Variants in ATXN10 observed in about 807,000 individuals in gnomAD.
ATXN10 encodes the protein ataxin-10.
In ATXN10, 28 loss-of-function variants were observed where a neutral mutation model predicts 52.9. The observed-to-expected ratio is 0.53, with a 90% CI of 0.39 to 0.73. The LOEUF (loss-of-function observed/expected upper bound fraction) is 0.73, where lower values mean the gene tolerates loss of function less well. Ranked by LOEUF, ATXN10 falls within the 30% of genes least tolerant of loss-of-function variation. The pLI, the probability that ATXN10 is intolerant of heterozygous loss-of-function variation, is 0.00. For missense variants in ATXN10, 565 were observed against 577.0 expected (o/e 0.98, Z 0.21); for synonymous variants, 226 against 221.5 (o/e 1.02, Z -0.18).
At chr22:45,695,528 C>T (rs866432992) in intron 3 of ATXN10, among the ~76,000 whole-genome samples, 4 of 142,250 alleles carry the variant, frequency 2.8e-5, no homozygotes, top group Non-Finnish European at 6.1e-5. Context: ...CTTACTCTGT[C>T]GCCCAGGCTG....
chr22:45,841,313 C>T lies in ATXN10; in HGVS notation c.1238-1678C>T, dbSNP rs186316700. Among the ~76,000 whole-genome samples, 1 of 152,350 alleles carries T rather than the reference C, an allele frequency of 6.6e-6. No homozygotes were observed. The highest frequency in any genetic ancestry group is 6.5e-5 in the Admixed American group (1 of 15,302). ...CAGCATTAGCTGGGCACTGACAGTC[C>T]TTTTCTCTGCCATCTGGAAAAGGTC... On this transcript the variant is annotated intron_variant, in intron 10 of 11. Transcript: ENST00000252934. This position sits in a 1 kb window ranked among gnomAD's most constrained non-coding sequence, Gnocchi z 5.1.
intron 9 of ATXN10, among the ~76,000 whole-genome samples, chr22:45,745,015 T>C (rs1298791447): frequency 6.6e-6 from 1 of 152,224 alleles, no homozygotes; most frequent in Admixed American, 6.5e-5. Flanking sequence ...CTTGTTTTTT[T>C]GTTCTCGACT....
rs1338081328 is a variant in ATXN10, at chr22:45,789,508, A to G, written c.1174-17451A>G. Among the ~76,000 whole-genome samples, 1 of 152,174 alleles carries G rather than the reference A, an allele frequency of 6.6e-6. No individual in the cohort carries two copies. Among genetic ancestry groups the G allele is most frequent in the African/African-American group, 2.4e-5 (1 of 41,430 alleles). ...AAGCAAACAAATAGCTGCTCTGTAT[A>G]CCATGGACGCTATACAGCTCAACTC... is the stretch of plus-strand genomic sequence containing the variant. On this transcript the variant is annotated intron_variant, in intron 9 of 11. Transcript: ENST00000252934. The surrounding 1 kb of genome is among the most constrained non-coding windows in gnomAD (Gnocchi z 4.0).
At chr22:45,740,679 TACACACACACACACACACAC>T (rs74268525) in intron 9 of ATXN10, 141 bp downstream of exon 9, 10 of 392,074 alleles carry the variant, frequency 2.6e-5, no homozygotes, top group East Asian at 5.6e-5. Flanking sequence ...TTTATATGAA[TACACACACACACACACACAC>T]ACACACACAC....
chr22:45,778,847 A>C (rs891238387), intron 9 of ATXN10, among the ~76,000 whole-genome samples: 46 of 152,184 alleles, frequency 3.0e-4, no homozygotes, highest in African/African-American at 1.1e-3. Flanking sequence ...GTATACATTC[A>C]ATTTTGATAA....
At chr22:45,768,297 G>C (rs1333127195) in intron 9 of ATXN10, among the ~76,000 whole-genome samples, 2 of 152,060 alleles carry the variant, frequency 1.3e-5, no homozygotes, top group East Asian at 3.9e-4. Context: ...GTACAAGAAA[G>C]TTGCCAAAGT....
chr22:45,693,418 C>CG (rs992882213), intron 3 of ATXN10, among the ~76,000 whole-genome samples: 3 of 152,022 alleles, frequency 2.0e-5, no homozygotes, highest in African/African-American at 7.3e-5. Flanking sequence ...GGGTGTTTTG[C>CG]GGGGGCTGCT....
Position 45,823,117 on chromosome 22 carries a change from G to A in ATXN10, c.1237+16095G>A, listed in dbSNP as rs960036301. 2.1e-6 allele frequency: 1 copy of A among 470,720 alleles called. No homozygotes were observed. The highest frequency in any genetic ancestry group is 2.0e-5 in the African/African-American group (1 of 50,016). The allele number at this position is 470,720 out of a possible 1,614,324, so 29.2% of individuals were successfully genotyped here. A position where few individuals can be genotyped will look rare whatever the true frequency, so the allele number is the denominator to read the frequency against. On this transcript the variant is annotated intron_variant, in intron 10 of 11. Transcript: ENST00000252934. This position sits in a 1 kb window ranked among gnomAD's most constrained non-coding sequence, Gnocchi z 4.9. ...AAGTATACATCTTGACATAAGTACA[G>A]ATGTATGTACGCATCACCCAGATGG... is the stretch of plus-strand genomic sequence containing the variant.
intron 1 of ATXN10, among the ~76,000 whole-genome samples, chr22:45,687,604 A>T (rs567528473): frequency 6.6e-6 from 1 of 152,370 alleles, no homozygotes; most frequent in East Asian, 1.9e-4. Context: ...AATGGCTTCA[A>T]AACTTCATGC....
rs951540344 is a variant in ATXN10, at chr22:45,818,322, C to G, written c.1237+11300C>G. ...CTTTAGAGCCATGGTCACTGCGTCC[C>G]TCTCTCTGCCTCAGGCCTCTGTGTT... is the stretch of plus-strand genomic sequence containing the variant. On this transcript the variant is annotated intron_variant, in intron 10 of 11. Transcript: ENST00000252934. The surrounding 1 kb of genome is among the most constrained non-coding windows in gnomAD (Gnocchi z 4.6). 2.6e-5 allele frequency among the ~76,000 whole-genome samples: 4 copies of G among 152,182 alleles called. No individual in the cohort carries two copies. Among genetic ancestry groups the G allele is most frequent in the African/African-American group, 9.7e-5 (4 of 41,446 alleles).
chr22:45,703,506 T>C (rs1332784039), intron 5 of ATXN10, among the ~76,000 whole-genome samples: 1 of 152,220 alleles, frequency 6.6e-6, no homozygotes, highest in Non-Finnish European at 1.5e-5. Context: ...GCCCTTGTTC[T>C]CTCTCCACTT....
At chr22:45,721,313 CTG>C (rs1924641281) in intron 6 of ATXN10, among the ~76,000 whole-genome samples, 1 of 152,136 alleles carries the variant, frequency 6.6e-6, no homozygotes, top group Non-Finnish European at 1.5e-5. Context: ...TTTATGATCT[CTG>C]TGTACGGCAT....
At chr22:45,687,849 G>C (rs910688431) in intron 1 of ATXN10, among the ~76,000 whole-genome samples, 3 of 152,094 alleles carry the variant, frequency 2.0e-5, no homozygotes, top group Admixed American at 1.3e-4. Flanking sequence ...TCACGAGATC[G>C]GGAGTTCGAG....
At position 45,744,983 on chromosome 22, in the gene ATXN10, C is replaced by A. The variant is rs547764042; in HGVS notation, c.1173+4445C>A. Among the ~76,000 whole-genome samples, 1 of 152,294 alleles carries A rather than the reference C, an allele frequency of 6.6e-6. No homozygotes were observed. The highest frequency in any genetic ancestry group is 2.1e-4 in the South Asian group (1 of 4,822). ...TCGTCATGGTAGGGAGGTGTCAAAT[C>A]CTTACTGACTTCTATTCTTACCTTG... On this transcript the variant is annotated intron_variant, in intron 9 of 11. Coordinates refer to ENST00000252934, the MANE Select transcript of ATXN10 (RefSeq NM_013236.4). The surrounding 1 kb of genome is among the most constrained non-coding windows in gnomAD (Gnocchi z 4.9).
rs1404725472 is a variant in ATXN10, at chr22:45,843,813, C to T, written c.*142C>T. ...AAATCTTTTAGGTAGTAGAGTTTAA[C>T]GTGTATAAGCTAAAAGTGAAAGTAA... On this transcript the variant is annotated 3_prime_UTR_variant, in exon 12 of 12. Coordinates refer to ENST00000252934, the MANE Select transcript of ATXN10 (RefSeq NM_013236.4). This position sits in a 1 kb window ranked among gnomAD's most constrained non-coding sequence, Gnocchi z 4.5. 1.8e-5 allele frequency: 14 copies of T among 759,324 alleles called. No individual in the cohort carries two copies. The highest frequency in any genetic ancestry group is 1.8e-4 in the Admixed American group (8 of 43,440). The allele number at this position is 759,324 out of a possible 1,614,324, so 47.0% of individuals were successfully genotyped here. A position where few individuals can be genotyped will look rare whatever the true frequency, so the allele number is the denominator to read the frequency against.
chr22:45,691,638 G>C (rs1248552127), intron 2 of ATXN10, among the ~76,000 whole-genome samples: 4 of 152,236 alleles, frequency 2.6e-5, no homozygotes, highest in Non-Finnish European at 5.9e-5. Context: ...GCTCACGCCT[G>C]TAATCCCAAC....
chr22:45,721,099 A>C (rs910097725), intron 6 of ATXN10, among the ~76,000 whole-genome samples: 2 of 152,006 alleles, frequency 1.3e-5, no homozygotes, highest in Admixed American at 1.3e-4. Flanking sequence ...TGACTTCTTC[A>C]CCCAGAGGCT....
intron 10 of ATXN10, among the ~76,000 whole-genome samples, chr22:45,821,291 C>T (rs1011494358): frequency 6.7e-5 from 10 of 148,936 alleles, no homozygotes; most frequent in Admixed American, 1.3e-4. Flanking sequence ...GCAGGAGGAT[C>T]GCTTGAGCCT....
rs566030310 is a variant in ATXN10, at chr22:45,744,257, G to T, written c.1173+3719G>T. On this transcript the variant is annotated intron_variant, in intron 9 of 11. Coordinates refer to ENST00000252934, the MANE Select transcript of ATXN10 (RefSeq NM_013236.4). The surrounding 1 kb of genome is among the most constrained non-coding windows in gnomAD (Gnocchi z 4.9). Reference sequence around the variant, plus strand: ...TGACACAGATTTTCCTAAAATCTTTGTGTACTGCCTGATTCCTCTGAATTT... The same window carrying T: ...TGACACAGATTTTCCTAAAATCTTTTTGTACTGCCTGATTCCTCTGAATTT... Among the ~76,000 whole-genome samples, 42 of 152,248 alleles carry T rather than the reference G, an allele frequency of 2.8e-4. 1 individual carries two copies. The South Asian group carries it at 8.7e-3, about 32-fold the overall frequency.
Sources: gnomAD v4.1 joint callset for allele counts (sites outside exome capture counted in the v4.1 genomes callset) on GRCh38, gnomAD v4.1.1 for gene constraint, Gnocchi (gnomAD v3.1) non-coding constraint, MANE v1.5 for transcripts, NCBI Gene and HGNC (gene_info 2026-07-23, HGNC 2026-07-21) for gene names.